The following IL1RAPL1 variants were observed in gnomAD, a reference collection of about 807,000 sequenced individuals.
IL1RAPL1 encodes the protein interleukin-1 receptor accessory protein-like 1.
IL1RAPL1 carries 3 observed loss-of-function variants against 48.4 expected under a neutral mutation model. The observed-to-expected ratio is 0.06, with a 90% confidence interval of 0.03 to 0.16. IL1RAPL1 has a LOEUF of 0.16. IL1RAPL1 is among the 10% of genes least tolerant of loss of function. The pLI, the probability that IL1RAPL1 is intolerant of heterozygous loss-of-function variation, is 1.00. For synonymous variants in IL1RAPL1, 185 were observed against 187.7 expected (o/e 0.99, Z 0.12); for missense variants, 349 against 530.6 (o/e 0.66, Z 3.36).
chrX:28,986,206 A>T (rs993256054), intron 2 of IL1RAPL1, among the ~76,000 whole-genome samples: 1 of 112,064 alleles, frequency 8.9e-6, no homozygotes, highest in East Asian at 2.8e-4. Flanking sequence ...TGTGCCTAAA[A>T]GATGAGATTT....
intron 5 of IL1RAPL1, among the ~76,000 whole-genome samples, chrX:29,566,431 T>TAA (rs780541611): frequency 1.9e-5 from 2 of 107,728 alleles, no homozygotes; most frequent in African/African-American, 6.8e-5. Flanking sequence ...CTCCATCTCA[T>TAA]AAAAAAAAAA....
chrX:29,876,132 TAG>T (rs1931898011), intron 6 of IL1RAPL1, among the ~76,000 whole-genome samples: 1 of 111,812 alleles, frequency 8.9e-6, no homozygotes, highest in African/African-American at 3.3e-5. Context: ...GATCTGTTGA[TAG>T]AGTCTAATGT....
At chrX:29,401,459 C>T (rs1416652012) in intron 5 of IL1RAPL1, among the ~76,000 whole-genome samples, 1 of 111,160 alleles carries the variant, frequency 9.0e-6, no homozygotes, top group Non-Finnish European at 1.9e-5. Context: ...GACACTATAG[C>T]GCATTTACTG....
intron 5 of IL1RAPL1, among the ~76,000 whole-genome samples, chrX:29,655,156 G>A (rs1925638294): frequency 9.0e-6 from 1 of 111,530 alleles, no homozygotes; most frequent in African/African-American, 3.3e-5. Context: ...CAGGCAAGCA[G>A]ATCAAACCTC....
chrX:29,061,049 C>T (rs1927329685), intron 2 of IL1RAPL1, among the ~76,000 whole-genome samples: 1 of 111,327 alleles, frequency 9.0e-6, no homozygotes, highest in Admixed American at 9.6e-5. Context: ...TGTGTGACTA[C>T]AGCAGTGCCT....
intron 3 of IL1RAPL1, among the ~76,000 whole-genome samples, chrX:29,345,028 T>A (rs181740339): frequency 1.8e-5 from 2 of 112,716 alleles, no homozygotes; most frequent in African/African-American, 3.2e-5. Flanking sequence ...ACTGACAGAG[T>A]ATTTCACGCT....
chrX:29,297,727 T>C (rs1242281425), intron 3 of IL1RAPL1, among the ~76,000 whole-genome samples: 1 of 112,638 alleles, frequency 8.9e-6, no homozygotes, highest in African/African-American at 3.2e-5. Context: ...CTGGATCTTT[T>C]GATTTCTTAA....
intron 2 of IL1RAPL1, among the ~76,000 whole-genome samples, chrX:29,096,768 T>C (rs1421023661): frequency 1.8e-5 from 2 of 110,413 alleles, no homozygotes; most frequent in African/African-American, 3.3e-5. Flanking sequence ...ATGAAATTGA[T>C]TTTCTTTGAG....
At chrX:29,039,781 T>A (rs1926803900) in intron 2 of IL1RAPL1, among the ~76,000 whole-genome samples, 1 of 32,274 alleles carries the variant, frequency 3.1e-5, no homozygotes, top group African/African-American at 1.8e-4. Flanking sequence ...GAAGTAACAA[T>A]CCTCAAAAAA....
intron 2 of IL1RAPL1, among the ~76,000 whole-genome samples, chrX:28,952,368 G>GT (rs1299688783): frequency 3.6e-5 from 4 of 111,026 alleles, no homozygotes; most frequent in African/African-American, 1.3e-4. Context: ...AGGGTTATAT[G>GT]TACACACAAA....
chrX:29,742,895 A>T (rs1328991572), intron 6 of IL1RAPL1, among the ~76,000 whole-genome samples: 2 of 111,187 alleles, frequency 1.8e-5, no homozygotes, highest in Non-Finnish European at 3.8e-5. Context: ...GAAGATTAAA[A>T]GTCTAAGAGA....
chrX:28,690,201 A>G (rs1473703897), intron 1 of IL1RAPL1, among the ~76,000 whole-genome samples: 2 of 110,377 alleles, frequency 1.8e-5, no homozygotes, highest in Non-Finnish European at 3.8e-5. Flanking sequence ...CTGTGATTTC[A>G]CCTCCCAACT....
At chrX:29,363,675 A>C (rs770045867) in intron 3 of IL1RAPL1, among the ~76,000 whole-genome samples, 5 of 111,357 alleles carry the variant, frequency 4.5e-5, no homozygotes, top group Admixed American at 2.9e-4. Context: ...GGCCTCAGGA[A>C]ACTTATAATC....
intron 6 of IL1RAPL1, among the ~76,000 whole-genome samples, chrX:29,703,131 GTAA>G (rs1927098709): frequency 9.0e-6 from 1 of 111,093 alleles, no homozygotes; most frequent in Non-Finnish European, 1.9e-5. Flanking sequence ...GTAATTATAA[GTAA>G]TAATAATGTG....
chrX:29,721,179 C>T (rs1315877907), intron 6 of IL1RAPL1, among the ~76,000 whole-genome samples: 1 of 112,114 alleles, frequency 8.9e-6, no homozygotes, highest in African/African-American at 3.2e-5. Flanking sequence ...GCTCCAGGCT[C>T]ACCTCCTCCA....
chrX:29,512,662 A>G (rs1281879479), intron 5 of IL1RAPL1, among the ~76,000 whole-genome samples: 1 of 112,126 alleles, frequency 8.9e-6, no homozygotes, highest in Non-Finnish European at 1.9e-5. Flanking sequence ...AAATAATTGC[A>G]TACAACTTAG....
chrX:29,243,381 C>T (rs1332288149), intron 2 of IL1RAPL1, among the ~76,000 whole-genome samples: 1 of 111,835 alleles, frequency 8.9e-6, no homozygotes, highest in Non-Finnish European at 1.9e-5. Flanking sequence ...TTCACTGGCA[C>T]CAATCACAAG....
intron 2 of IL1RAPL1, among the ~76,000 whole-genome samples, chrX:28,953,167 T>C (rs1924516862): frequency 9.0e-6 from 1 of 111,649 alleles, no homozygotes; most frequent in Non-Finnish European, 1.9e-5. Context: ...GTTTTCTTGT[T>C]ACGAATAATA....
chrX:28,797,415 T>C lies in IL1RAPL1; in HGVS notation c.82+7990T>C, dbSNP rs113720363. On this transcript the variant is annotated intron_variant, in intron 2 of 10. Coordinates refer to ENST00000378993, the MANE Select transcript of IL1RAPL1 (RefSeq NM_014271.4). ...CTTCCCTCATAAAACTGAATGCCTT[T>C]AACAGCACCCAAGTCACCTCTTGAA... Among the ~76,000 whole-genome samples, 366 of 111,765 alleles carry C rather than the reference T, an allele frequency of 3.3e-3. 2 individuals are homozygous for C. Among genetic ancestry groups the C allele is most frequent in the African/African-American group, 0.011 (347 of 30,779 alleles).
Sources: gnomAD v4.1 joint callset for allele counts (sites outside exome capture counted in the v4.1 genomes callset) on GRCh38, gnomAD v4.1.1 for gene constraint, MANE v1.5 for transcripts, NCBI Gene and HGNC (gene_info 2026-07-23, HGNC 2026-07-21) for gene names.